Variants in ZPBP observed in about 807,000 individuals in gnomAD.
The protein encoded by ZPBP is zona pellucida binding protein.
A neutral mutation model predicts 44.8 loss-of-function variants in ZPBP; 26 were observed. The ratio of observed to expected loss-of-function variants is 0.58; its 90% CI spans 0.43 to 0.81. The LOEUF is 0.81. Among genes scored for constraint, ZPBP ranks in the 30% least tolerant of loss-of-function variants. The probability of loss-of-function intolerance (pLI) is 0.00; values close to 1 mark genes in which losing one functional copy is unlikely to be tolerated. For synonymous variants in ZPBP, 174 were observed against 153.2 expected (o/e 1.14, Z -1.00); for missense variants, 409 against 434.0 (o/e 0.94, Z 0.51).
chr7:49,856,050 CT>C (rs1790404454), intron 2 of ZPBP, among the ~76,000 whole-genome samples: 1 of 152,190 alleles, frequency 6.6e-6, no homozygotes, highest in African/African-American at 2.4e-5. Flanking sequence ...ATAAGGCTGC[CT>C]TTCAGGGCTG....
At position 50,093,150 on chromosome 7, in the gene ZPBP, C is replaced by T. The variant is rs1215869599; in HGVS notation, c.45G>A (p.Arg15=). The change falls in exon 1 of 8, where the codon CGG becomes CGA. Residue 15 remains arginine (R), a synonymous_variant. Transcript: ENST00000046087. ...ALGPARRGRR[R]TRAAGSLLSR... ...AGAGCAGGGAGCCGGCGGCCCGGGT[C>T]CGCCGCCTGCCCCGCCGCGCTGGGC... is the stretch of plus-strand genomic sequence containing the variant. The T allele has an allele frequency of 6.5e-7, 1 of 1,541,508 alleles. No individual in the cohort carries two copies. The highest frequency in any genetic ancestry group is 1.2e-5 in the South Asian group (1 of 83,246).
rs375417945 is a variant in ZPBP, at chr7:49,912,145, G to A, written n.412-10930C>T. The A allele has an allele frequency of 1.8e-5, 29 of 1,613,868 alleles. No individual in the cohort carries two copies. Among genetic ancestry groups the A allele is most frequent in the African/African-American group, 1.1e-4 (8 of 74,880 alleles). ...GAGGAAGGCACATGGAGAATCGAGC[G>A]GCAGGCCATGTGCACGAGACATGAA... On this transcript the variant is annotated intron_variant and non_coding_transcript_variant, in intron 1 of 2. Coordinates refer to the ZPBP transcript ENST00000465922.
At chr7:50,004,054 T>C (rs188714715) in intron 6 of ZPBP, among the ~76,000 whole-genome samples, 2 of 152,146 alleles carry the variant, frequency 1.3e-5, no homozygotes, top group East Asian at 3.9e-4. Context: ...AGATGGCCGG[T>C]GAAGCACTTT....
At chr7:50,063,826 C>T (rs1469329732) in intron 3 of ZPBP, among the ~76,000 whole-genome samples, 2 of 152,100 alleles carry the variant, frequency 1.3e-5, no homozygotes, top group African/African-American at 4.8e-5. Flanking sequence ...ATTTGTGTTG[C>T]TTGTATTGCC....
rs1464524907 is a variant in ZPBP, at chr7:50,038,931, AT to A, written c.488-7622del. Reference sequence around the variant, plus strand: ...ATCTAGGTTTGTATAAGTAAACTCTATGACGTTCACAAAATAAAATTGTCTA... The same window carrying A: ...ATCTAGGTTTGTATAAGTAAACTCTAGACGTTCACAAAATAAAATTGTCTA... On this transcript the variant is annotated intron_variant, in intron 4 of 7. Coordinates refer to ENST00000046087, the MANE Select transcript of ZPBP (RefSeq NM_007009.3). Among the ~76,000 whole-genome samples, 56 of 152,316 alleles carry A rather than the reference AT, an allele frequency of 3.7e-4. 1 individual carries two copies. The highest frequency in any genetic ancestry group is 3.4e-3 in the Middle Eastern group (1 of 294).
At chr7:49,910,750 A>G in intron 1 of ZPBP, among the ~76,000 whole-genome samples, 1 of 152,198 alleles carries the variant, frequency 6.6e-6, no homozygotes, top group Admixed American at 6.5e-5. Context: ...AATTACAGAG[A>G]TCCTCAATTC....
chr7:50,090,186 T>G (rs1361620155), intron 1 of ZPBP, among the ~76,000 whole-genome samples: 1 of 152,116 alleles, frequency 6.6e-6, no homozygotes, highest in Non-Finnish European at 1.5e-5. Context: ...GAGATTTTGG[T>G]ATACCCATCA....
chr7:50,000,044 T>C (rs1798026967), intron 6 of ZPBP, among the ~76,000 whole-genome samples: 1 of 152,176 alleles, frequency 6.6e-6, no homozygotes, highest in Non-Finnish European at 1.5e-5. Context: ...GTAAGGCTTC[T>C]ACACTTTATT....
chr7:49,919,605 T>C (rs1440546959), intron 1 of ZPBP: 1 of 152,164 alleles, frequency 6.6e-6, no homozygotes, highest in East Asian at 1.9e-4. Flanking sequence ...AGATTAATTA[T>C]AAAAATAATC....
chr7:49,906,168 A>G (rs1177205869), intron 1 of ZPBP, among the ~76,000 whole-genome samples: 1 of 152,046 alleles, frequency 6.6e-6, no homozygotes, highest in Non-Finnish European at 1.5e-5. Context: ...ACTTTACTCT[A>G]TGGACTCACC....
chr7:50,029,024 C>T (rs926020574), intron 5 of ZPBP, among the ~76,000 whole-genome samples: 1 of 152,010 alleles, frequency 6.6e-6, no homozygotes, highest in South Asian at 2.1e-4. Context: ...TCTCAAATTA[C>T]CAAAACAATG....
chr7:50,039,194 G>C (rs1799959056), intron 4 of ZPBP, among the ~76,000 whole-genome samples: 1 of 151,822 alleles, frequency 6.6e-6, no homozygotes, highest in African/African-American at 2.4e-5. Context: ...AAGAAGATAT[G>C]GTTATAAAAT....
intron 3 of ZPBP, among the ~76,000 whole-genome samples, chr7:50,074,207 T>TA (rs1048380005): frequency 1.3e-5 from 2 of 152,154 alleles, no homozygotes; most frequent in African/African-American, 2.4e-5. Flanking sequence ...GTTAAGTTTT[T>TA]ATCAGGTAAA....
intron 6 of ZPBP, among the ~76,000 whole-genome samples, chr7:50,012,460 T>C (rs923835772): frequency 4.7e-4 from 71 of 151,920 alleles, no homozygotes; most frequent in African/African-American, 1.4e-3. Context: ...ATAGTCCAAA[T>C]ATCAAAACCT....
At chr7:49,911,480 C>CAAAAAAA (rs34782644) in intron 1 of ZPBP, among the ~76,000 whole-genome samples, 5 of 71,614 alleles carry the variant, frequency 7.0e-5, no homozygotes, top group East Asian at 4.1e-4. Flanking sequence ...GACTCTGTCT[C>CAAAAAAA]AAAAAAAAAA....
chr7:49,989,266 G>T (rs1168995626), intron 6 of ZPBP, among the ~76,000 whole-genome samples: 2 of 152,104 alleles, frequency 1.3e-5, no homozygotes, highest in Non-Finnish European at 2.9e-5. Flanking sequence ...CCTGTACGGG[G>T]TTCCTAACCT....
At chr7:50,051,939 G>A (rs1800720749) in intron 4 of ZPBP, among the ~76,000 whole-genome samples, 1 of 151,712 alleles carries the variant, frequency 6.6e-6, no homozygotes, top group South Asian at 2.1e-4. Flanking sequence ...CATCCTGCAT[G>A]TTACCCAATA....
At chr7:49,900,656 C>A (rs1792673444) in intron 2 of ZPBP, among the ~76,000 whole-genome samples, 1 of 151,702 alleles carries the variant, frequency 6.6e-6, no homozygotes, top group South Asian at 2.1e-4. Context: ...GAGATATAAT[C>A]AATAATTAAC....
At chr7:50,043,210 T>C (rs983514088) in intron 4 of ZPBP, among the ~76,000 whole-genome samples, 1 of 152,252 alleles carries the variant, frequency 6.6e-6, no homozygotes. Context: ...TTTTAATCTA[T>C]AATCTATAGA....
Sources: allele counts gnomAD v4.1 joint callset (sites outside exome capture counted in the v4.1 genomes callset), GRCh38; gene constraint gnomAD v4.1.1; transcripts MANE v1.5; gene names NCBI Gene and HGNC (gene_info 2026-07-23, HGNC 2026-07-21).